FAM81A: variants seen among roughly 807,000 people sequenced by gnomAD.
FAM81A encodes the protein family with sequence similarity 81 member A, also known as protein FAM81A.
FAM81A carries 19 observed loss-of-function variants against 46.7 expected under a neutral mutation model. The ratio of observed to expected loss-of-function variants is 0.41; its 90% CI spans 0.28 to 0.60. The LOEUF (loss-of-function observed/expected upper bound fraction) is 0.60. FAM81A is among the 20% of genes least tolerant of loss of function. The pLI, the probability that FAM81A is intolerant of heterozygous loss-of-function variation, is 0.34. For synonymous variants in FAM81A, 183 were observed against 152.9 expected (o/e 1.20, Z -1.45); for missense variants, 377 against 453.5 (o/e 0.83, Z 1.53).
chr15:59,442,808 C>T (rs1689265816), intron 1 of FAM81A, among the ~76,000 whole-genome samples: 1 of 152,120 alleles, frequency 6.6e-6, no homozygotes, highest in Non-Finnish European at 1.5e-5. Context: ...TTTATTCACA[C>T]ACATATGTAT....
At chr15:59,401,072 T>A in intron 1 of FAM81A, 1 of 514,098 alleles carries the variant, frequency 1.9e-6, no homozygotes, top group South Asian at 2.4e-5. Flanking sequence ...TGATTTTGTA[T>A]TTTTTTTCCA....
intron 7 of FAM81A, among the ~76,000 whole-genome samples, chr15:59,516,126 GTTT>G (rs540042022): frequency 2.2e-5 from 3 of 136,524 alleles, no homozygotes; most frequent in African/African-American, 8.1e-5. Flanking sequence ...GAATGTAGTG[GTTT>G]TTTTTTTTTT....
intron 6 of FAM81A, among the ~76,000 whole-genome samples, chr15:59,510,827 A>G (rs1362491046): frequency 6.6e-6 from 1 of 150,932 alleles, no homozygotes; most frequent in East Asian, 1.9e-4. Flanking sequence ...GTGTACTAAT[A>G]AAACTACACT....
intron 3 of FAM81A, among the ~76,000 whole-genome samples, chr15:59,479,519 G>GAAAAAA (rs57107735): frequency 3.6e-4 from 26 of 72,672 alleles, no homozygotes; most frequent in Admixed American, 5.8e-4. Context: ...TCAAAAATAA[G>GAAAAAA]AAAAAAAAAA....
In FAM81A at chr15:59,460,891, T is replaced by C. The variant is rs1254774920; in HGVS notation, c.294+685T>C. ...GAATATATGAATACTAATAGATATATGGCTAGATTAAGGAAAACTTTTGCT... is the reference window on the plus strand; with the variant it reads ...GAATATATGAATACTAATAGATATACGGCTAGATTAAGGAAAACTTTTGCT... On this transcript the variant is annotated intron_variant, in intron 3 of 8. Coordinates refer to ENST00000288228, the MANE Select transcript of FAM81A (RefSeq NM_152450.3). This position sits in a 1 kb window ranked among gnomAD's most constrained non-coding sequence, Gnocchi z 4.4. Among the ~76,000 whole-genome samples the C allele has an allele frequency of 6.6e-6, 1 of 152,352 alleles. No individual in the cohort carries two copies. The highest frequency in any genetic ancestry group is 3.4e-3 in the Middle Eastern group (1 of 292).
rs4417505 is a variant in FAM81A at position 59,492,449 on chromosome 15, A to T, written c.413+60A>T. 6 of 1,332,934 alleles carry T rather than the reference A, an allele frequency of 4.5e-6. No homozygotes were observed. In the African/African-American group the frequency reaches 8.7e-5, roughly 19 times the overall value. 82.6% of individuals were successfully genotyped at this position (1,332,934 alleles called of 1,614,324 possible). On this transcript the variant is annotated intron_variant, in intron 4 of 8. Transcript: ENST00000288228. ...AAAACCATTTTCTATAAACTCCATT[A>T]TAGTGGGGAATATATTAATGAAGCC...
At position 59,398,590 on chromosome 15, in the gene FAM81A, C is replaced by G. The variant is rs184027568; in HGVS notation, c.-160-3686C>G. Among the ~76,000 whole-genome samples, 324 of 145,734 alleles carry G rather than the reference C, an allele frequency of 2.2e-3. 3 individuals are homozygous for G. The highest frequency in any genetic ancestry group is 7.5e-3 in the African/African-American group (306 of 40,776). Reference sequence around the variant, plus strand: ...CCTGACCAACATGGTGAAACCCAGTCTCTATCAAAAAAAGAAAATTATTGG... The same window carrying G: ...CCTGACCAACATGGTGAAACCCAGTGTCTATCAAAAAAAGAAAATTATTGG... On this transcript the variant is annotated intron_variant, in intron 1 of 4. Coordinates refer to the FAM81A transcript ENST00000558348.
At chr15:59,463,798 T>G (rs1389085368) in intron 3 of FAM81A, among the ~76,000 whole-genome samples, 1 of 152,174 alleles carries the variant, frequency 6.6e-6, no homozygotes, top group African/African-American at 2.4e-5. Flanking sequence ...TTGGTTTTAT[T>G]AATTTTGTCA....
At chr15:59,512,230 G>A (rs1175737789) in intron 6 of FAM81A, among the ~76,000 whole-genome samples, 1 of 151,988 alleles carries the variant, frequency 6.6e-6, no homozygotes, top group African/African-American at 2.4e-5. Context: ...TGTAATCCCA[G>A]CACTGTGGGA....
chr15:59,485,147 C>G (rs2081902135), intron 3 of FAM81A, among the ~76,000 whole-genome samples: 1 of 152,184 alleles, frequency 6.6e-6, no homozygotes, highest in South Asian at 2.1e-4. Flanking sequence ...GGCCCAGGCA[C>G]CTGGACAGCC....
intron 4 of FAM81A, among the ~76,000 whole-genome samples, chr15:59,495,273 G>A (rs893880508): frequency 3.9e-5 from 6 of 152,068 alleles, no homozygotes; most frequent in East Asian, 1.9e-4. Flanking sequence ...TGAGCATTTC[G>A]AGTGAATGTG....
chr15:59,428,444 T>C (rs2141561187), intron 2 of FAM81A, among the ~76,000 whole-genome samples: 1 of 106,316 alleles, frequency 9.4e-6, no homozygotes, highest in African/African-American at 2.8e-5. Context: ...TTATTATTAT[T>C]ATTATTATTA....
At chr15:59,483,573 C>G (rs1253204232) in intron 3 of FAM81A, among the ~76,000 whole-genome samples, 1 of 152,104 alleles carries the variant, frequency 6.6e-6, no homozygotes, top group African/African-American at 2.4e-5. Context: ...TTGGGCTTTC[C>G]TATTCATTTC....
At chr15:59,463,939 C>T (rs1464430379) in intron 3 of FAM81A, among the ~76,000 whole-genome samples, 9 of 152,086 alleles carry the variant, frequency 5.9e-5, no homozygotes, top group Admixed American at 4.6e-4. Context: ...AATTTTGTGT[C>T]GTTTAACAAG....
In FAM81A at chr15:59,521,339, G is replaced by A. The variant is rs2082326085; in HGVS notation, c.1068G>A (p.Lys356=). 4.3e-6 allele frequency: 7 copies of A among 1,613,270 alleles called. No individual in the cohort carries two copies. The highest frequency in any genetic ancestry group is 1.3e-5 in the African/African-American group (1 of 74,918). Residue 356 remains lysine (K), a synonymous_variant, in exon 9 of 9, where the codon AAG becomes AAA. Coordinates refer to ENST00000288228, the MANE Select transcript of FAM81A (RefSeq NM_152450.3). ...KMKLDRDQLQ[K]QIQLMQKPET... is the part of the protein sequence containing the mutation. ...AGCTGGACAGGGACCAGCTACAGAA[G>A]CAAATCCAGCTGATGCAGAAGCCAG...
intron 3 of FAM81A, among the ~76,000 whole-genome samples, chr15:59,470,872 T>C (rs574407833): frequency 6.6e-6 from 1 of 152,262 alleles, no homozygotes; most frequent in Non-Finnish European, 1.5e-5. Context: ...TAGGCTGGTA[T>C]AGTGCAGTGG....
At chr15:59,430,204 T>A (rs2081213461) in intron 2 of FAM81A, among the ~76,000 whole-genome samples, 1 of 150,112 alleles carries the variant, frequency 6.7e-6, no homozygotes, top group South Asian at 2.1e-4. Context: ...GATAGGACAG[T>A]GATGTCACTT....
chr15:59,512,756 C>T (rs1173711614), intron 6 of FAM81A, among the ~76,000 whole-genome samples: 1 of 152,122 alleles, frequency 6.6e-6, no homozygotes, highest in African/African-American at 2.4e-5. Context: ...AGGCAGCAGT[C>T]GCAACTCAGT....
At chr15:59,480,503 G>C (rs190791035) in intron 3 of FAM81A, among the ~76,000 whole-genome samples, 1 of 152,116 alleles carries the variant, frequency 6.6e-6, no homozygotes. Context: ...AAGATAGGCC[G>C]TATCTTTGAA....
Sources: allele counts gnomAD v4.1 joint callset (sites outside exome capture counted in the v4.1 genomes callset), GRCh38; gene constraint gnomAD v4.1.1; non-coding constraint Gnocchi (gnomAD v3.1); transcripts MANE v1.5; gene names NCBI Gene and HGNC (gene_info 2026-07-23, HGNC 2026-07-21).